The following CSMD1 variants were observed in gnomAD, a reference collection of about 807,000 sequenced individuals.
The protein encoded by CSMD1 is CUB and sushi domain-containing protein 1.
In CSMD1, 213 loss-of-function variants were observed where a neutral mutation model predicts 417.5. The observed-to-expected ratio is 0.51, with a 90% CI of 0.46 to 0.57. The LOEUF (loss-of-function observed/expected upper bound fraction) is 0.57. Among genes scored for constraint, CSMD1 ranks in the 20% least tolerant of loss-of-function variants. CSMD1 has a pLI of 0.00. For missense variants in CSMD1, 6,923 were observed against 4,529.7 expected (o/e 1.53, Z -15.17); for synonymous variants, 2,862 against 1,736.8 (o/e 1.65, Z -16.11).
At chr8:4,420,662 C>T (rs1230768) in intron 2 of CSMD1, among the ~76,000 whole-genome samples, 3,315 of 152,118 alleles carry the variant, frequency 0.022, 110 homozygotes, top group African/African-American at 0.075. Context: ...AGTTGGATTC[C>T]AAGCTGTGCT....
At chr8:3,936,428 ACT>A (rs1304444389) in intron 5 of CSMD1, among the ~76,000 whole-genome samples, 1 of 152,132 alleles carries the variant, frequency 6.6e-6, no homozygotes, top group African/African-American at 2.4e-5. Context: ...AGACAGGCTG[ACT>A]CTCTTCTTAG....
chr8:3,408,182 C>T lies in CSMD1; in HGVS notation c.1788G>A (p.Leu596=). 1 of 1,611,444 alleles carries T rather than the reference C, an allele frequency of 6.2e-7. No individual in the cohort carries two copies. The highest frequency in any genetic ancestry group is 8.5e-7 in the Non-Finnish European group (1 of 1,178,660). ...CATATTCCTCTGGATAATTTGGTGA[C>T]AGAATAATCCCAGATGATGCCGTAA... ...FNFTASSGII[L]SPNYPEEYGN... is the part of the protein sequence containing the mutation. The change falls in exon 14 of 70, where the codon CTG becomes CTA. Residue 596 remains leucine (L), a synonymous_variant. Transcript: ENST00000635120.
intron 5 of CSMD1, among the ~76,000 whole-genome samples, chr8:3,858,810 A>G (rs1450248916): frequency 3.3e-5 from 5 of 152,172 alleles, no homozygotes; most frequent in African/African-American, 1.2e-4. Context: ...TTCTAATGTT[A>G]TCGGGAAATA....
intron 5 of CSMD1, among the ~76,000 whole-genome samples, chr8:3,880,161 G>C (rs775311716): frequency 1.3e-5 from 2 of 152,086 alleles, no homozygotes; most frequent in African/African-American, 4.8e-5. Flanking sequence ...CCATGGTACA[G>C]AGGAAATTGG....
At position 3,986,545 on chromosome 8, in the gene CSMD1, C is replaced by T. The variant is rs572753962; in HGVS notation, c.818+11358G>A. Among the ~76,000 whole-genome samples the T allele has an allele frequency of 1.2e-4, 18 of 152,176 alleles. No individual in the cohort carries two copies. The East Asian group carries it at 2.9e-3, about 25-fold the overall frequency. On this transcript the variant is annotated intron_variant, in intron 5 of 69. Transcript: ENST00000635120. ...TTTCTACTCCCATGATCAGCAGACCCGTATAAATTATAAGTATCTTAATCT... is the reference window on the plus strand; with the variant it reads ...TTTCTACTCCCATGATCAGCAGACCTGTATAAATTATAAGTATCTTAATCT...
chr8:3,084,590 A>G (rs1814385558), intron 49 of CSMD1, among the ~76,000 whole-genome samples: 1 of 151,918 alleles, frequency 6.6e-6, no homozygotes, highest in Non-Finnish European at 1.5e-5. Flanking sequence ...TTAATACTAA[A>G]CAAATAAAAT....
At chr8:4,648,892 T>C (rs915596201) in intron 1 of CSMD1, among the ~76,000 whole-genome samples, 1 of 152,096 alleles carries the variant, frequency 6.6e-6, no homozygotes, top group Non-Finnish European at 1.5e-5. Flanking sequence ...AGGATAAGAG[T>C]GTGCTTCCGC....
rs1027111371 is a variant in CSMD1 at position 4,858,421 on chromosome 8, T to C, written c.85+135911A>G. ...TGTTGGAAGTTCTGGCCAGGGCAAT[T>C]AGGCAGGAAAAGGAAATAAAGGGTA... On this transcript the variant is annotated intron_variant, in intron 1 of 69. Transcript: ENST00000635120. Among the ~76,000 whole-genome samples, 6 of 149,636 alleles carry C rather than the reference T, an allele frequency of 4.0e-5. No homozygotes were observed. The South Asian group carries it at 6.4e-4, about 16-fold the overall frequency.
chr8:3,091,400 T>C (rs1403292797), intron 48 of CSMD1, 116 bp downstream of exon 48: 3 of 690,364 alleles, frequency 4.3e-6, no homozygotes, highest in African/African-American at 3.7e-5. Flanking sequence ...CTGTAGTTAA[T>C]TATTAATCTT....
chr8:4,795,613 A>G (rs1456220796), intron 1 of CSMD1, among the ~76,000 whole-genome samples: 6 of 151,700 alleles, frequency 4.0e-5, no homozygotes, highest in African/African-American at 1.5e-4. Flanking sequence ...TTTAACCATA[A>G]CAACACACAC....
chr8:4,907,269 T>C (rs572656375), intron 1 of CSMD1, among the ~76,000 whole-genome samples: 2 of 152,210 alleles, frequency 1.3e-5, no homozygotes, highest in African/African-American at 2.4e-5. Context: ...TTCTCCATTT[T>C]GTGATGTACC....
At chr8:3,089,642 T>A (rs1017820041) in intron 48 of CSMD1, among the ~76,000 whole-genome samples, 1 of 152,172 alleles carries the variant, frequency 6.6e-6, no homozygotes, top group Non-Finnish European at 1.5e-5. Context: ...AAATTACTGA[T>A]GCTGACCTAG....
intron 3 of CSMD1, among the ~76,000 whole-genome samples, chr8:4,103,922 T>G (rs1210716893): frequency 6.6e-6 from 1 of 152,200 alleles, no homozygotes; most frequent in Non-Finnish European, 1.5e-5. Flanking sequence ...AACAGCTTTG[T>G]GCCTGTGTTG....
At chr8:4,351,651 A>C (rs1432325694) in intron 3 of CSMD1, among the ~76,000 whole-genome samples, 1 of 152,194 alleles carries the variant, frequency 6.6e-6, no homozygotes, top group Non-Finnish European at 1.5e-5. Context: ...TTTATAGGAA[A>C]GGCTTCCCAG....
At chr8:3,892,499 C>T (rs570675116) in intron 5 of CSMD1, among the ~76,000 whole-genome samples, 83 of 151,408 alleles carry the variant, frequency 5.5e-4, no homozygotes, top group African/African-American at 1.6e-3. Flanking sequence ...TCTAAGAGAC[C>T]GTGCATCCAA....
At chr8:2,944,684 T>C (rs1402511179) in intron 68 of CSMD1, among the ~76,000 whole-genome samples, 1 of 152,038 alleles carries the variant, frequency 6.6e-6, no homozygotes, top group Non-Finnish European at 1.5e-5. Context: ...CAATATATAT[T>C]TGCAAAATTA....
intron 1 of CSMD1, among the ~76,000 whole-genome samples, chr8:4,864,875 T>TAC (rs35135942): frequency 0.026 from 3,862 of 146,952 alleles, 81 homozygotes; most frequent in African/African-American, 0.053. Context: ...TGGATTCTAC[T>TAC]ACACACACAC....
intron 6 of CSMD1, among the ~76,000 whole-genome samples, chr8:3,745,181 C>A (rs931978088): frequency 1.3e-5 from 2 of 152,214 alleles, no homozygotes; most frequent in Non-Finnish European, 2.9e-5. Flanking sequence ...ATTTTGAACT[C>A]TATCATTTCT....
At chr8:4,923,318 A>C (rs1241287387) in intron 1 of CSMD1, among the ~76,000 whole-genome samples, 1 of 152,060 alleles carries the variant, frequency 6.6e-6, no homozygotes, top group Admixed American at 6.6e-5. Flanking sequence ...ATGCTTTCGT[A>C]TTGGTTAGGA....
Sources: allele counts gnomAD v4.1 joint callset (sites outside exome capture counted in the v4.1 genomes callset), GRCh38; gene constraint gnomAD v4.1.1; transcripts MANE v1.5; gene names NCBI Gene and HGNC (gene_info 2026-07-23, HGNC 2026-07-21).